Variants in HROB observed in about 807,000 individuals in gnomAD.
The protein encoded by HROB is homologous recombination factor with OB-fold.
A neutral mutation model predicts 61.0 loss-of-function variants in HROB; 44 were observed. The observed-to-expected ratio is 0.72, with a 90% CI of 0.57 to 0.93. HROB has a LOEUF of 0.93. Ranked by LOEUF, HROB falls within the 40% of genes least tolerant of loss-of-function variation. HROB has a pLI of 0.00. For synonymous variants in HROB, 301 were observed against 310.4 expected (o/e 0.97, Z 0.32); for missense variants, 716 against 796.2 (o/e 0.90, Z 1.21).
At chr17:44,146,488 A>C (rs2053614192) in intron 2 of HROB, among the ~76,000 whole-genome samples, 1 of 152,194 alleles carries the variant, frequency 6.6e-6, no homozygotes, top group Non-Finnish European at 1.5e-5. Flanking sequence ...GGGTCTTACA[A>C]GGTGATGATG....
chr17:44,141,966 C>T lies in HROB; in HGVS notation c.-177C>T, dbSNP rs573601284. The T allele has an allele frequency of 6.0e-4, 523 of 868,944 alleles. No individual in the cohort carries two copies. The highest frequency in any genetic ancestry group is 8.4e-4 in the Non-Finnish European group (500 of 598,370). The allele number at this position is 868,944 out of a possible 1,614,324, so 53.8% of individuals were successfully genotyped here. ...CTTCGAATGCGGCCTAAGGCGCCTG[C>T]CGCCAGTCTCCTGGCGACTTTCCCT... On this transcript the variant is annotated 5_prime_UTR_variant, in exon 1 of 10. Coordinates refer to ENST00000585683, the MANE Select transcript of HROB (RefSeq NM_001171251.3).
Position 44,148,804 on chromosome 17 carries a change from T to C in HROB, c.1001T>C (p.Leu334Ser). Residue 334 changes from leucine to serine, a missense_variant, in exon 3 of 10, where the codon TTA (leucine) becomes TCA (serine). Leu to Ser is a moderately radical substitution (Grantham distance 145). Transcript: ENST00000585683. ...CSTPSRTSSG[L>S]FPRIPLQPQA... The stretch of plus-strand genomic sequence containing the variant: ...ACTCCCTCAAGGACTAGCTCTGGAT[T>C]ATTTCCTCGGATACCCTTACAACCG... 6.2e-7 allele frequency: 1 copy of C among 1,614,196 alleles called. No individual in the cohort carries two copies. The highest frequency in any genetic ancestry group is 8.5e-7 in the Non-Finnish European group (1 of 1,180,050).
chr17:44,145,385 CTGAGAAGTGA>C (rs1175487687), intron 2 of HROB, 132 bp downstream of exon 2: 1 of 1,075,842 alleles, frequency 9.3e-7, no homozygotes, highest in Non-Finnish European at 1.4e-6. Flanking sequence ...CTGTGAGGTG[CTGAGAAGTGA>C]TGAGAAGTGT....
chr17:44,146,231 G>T (rs1055930901), intron 2 of HROB, among the ~76,000 whole-genome samples: 2 of 152,024 alleles, frequency 1.3e-5, no homozygotes, highest in African/African-American at 4.8e-5. Flanking sequence ...TCGTTTTTTT[G>T]TAGAGACAGG....
chr17:44,158,828 T>C (rs1257346964), intron 9 of HROB, among the ~76,000 whole-genome samples: 1 of 152,048 alleles, frequency 6.6e-6, no homozygotes, highest in Non-Finnish European at 1.5e-5. Flanking sequence ...TGTGTATTTT[T>C]AGTAGAGACG....
chr17:44,161,350 A>T (rs2054134626), intron 9 of HROB, among the ~76,000 whole-genome samples: 1 of 152,224 alleles, frequency 6.6e-6, no homozygotes, highest in African/African-American at 2.4e-5. Context: ...GCTAGGGATT[A>T]TCGAGGTCAG....
chr17:44,148,465 G>A lies in HROB; in HGVS notation c.662G>A (p.Gly221Asp), dbSNP rs2053685368. ...CCTGTGCCTGCCATCCACAAAGCGG[G>A]TATCATGTCCGCCCAGGATGAGTCT... ...KGPVPAIHKA[G>D]IMSAQDESLD... Residue 221 changes from glycine to aspartate, a missense_variant, in exon 3 of 10, where the codon GGT (glycine) becomes GAT (aspartate). By Grantham distance (94) the Gly-to-Asp change is moderately conservative. Transcript: ENST00000585683. 1.2e-6 allele frequency: 2 copies of A among 1,614,122 alleles called. No homozygotes were observed.
rs2053457863 is a variant in HROB at position 44,142,060 on chromosome 17, C to T, written c.-83C>T. Reference sequence around the variant, plus strand: ...GTCCCTCGGAGTCCGAGACTTCCACCTGGGTCGTGTCCAAGGCCCCGGCGA... The same window carrying T: ...GTCCCTCGGAGTCCGAGACTTCCACTTGGGTCGTGTCCAAGGCCCCGGCGA... On this transcript the variant is annotated 5_prime_UTR_variant, in exon 1 of 10. Coordinates refer to ENST00000585683, the MANE Select transcript of HROB (RefSeq NM_001171251.3). The T allele has an allele frequency of 2.7e-6, 4 of 1,504,896 alleles. No homozygotes were observed. The East Asian group carries it at 1.0e-4, about 38-fold the overall frequency. 93.2% of individuals were successfully genotyped at this position (1,504,896 alleles called of 1,614,324 possible).
At chr17:44,146,059 C>CT (rs1324547410) in intron 2 of HROB, among the ~76,000 whole-genome samples, 1 of 152,024 alleles carries the variant, frequency 6.6e-6, no homozygotes, top group Non-Finnish European at 1.5e-5. Flanking sequence ...GAACTTCTTT[C>CT]TTTTTTTGGA....
At chr17:44,142,194 C>T (rs2053464884) in intron 1 of HROB, 49 bp downstream of exon 1, 11 of 1,480,582 alleles carry the variant, frequency 7.4e-6, no homozygotes, top group South Asian at 5.1e-5. Context: ...GGCCCCCTGG[C>T]CTCCGGAACT....
chr17:44,152,596 G>GA, intron 4 of HROB, 41 bp from the exon 5 acceptor site: 1 of 1,605,142 alleles, frequency 6.2e-7, no homozygotes, highest in Non-Finnish European at 8.5e-7. Context: ...TAGCAAGGTA[G>GA]ACCTATTCAT....
intron 5 of HROB, among the ~76,000 whole-genome samples, chr17:44,153,912 G>A (rs552684333): frequency 1.3e-5 from 2 of 151,574 alleles, no homozygotes; most frequent in Admixed American, 6.6e-5. Flanking sequence ...GCCAGGCTTG[G>A]TGGCACACGC....
chr17:44,147,725 C>T (rs1218167023), intron 2 of HROB, 133 bp from the exon 3 acceptor site: 10 of 908,568 alleles, frequency 1.1e-5, no homozygotes, highest in Non-Finnish European at 1.6e-5. Flanking sequence ...CATGAGCCAC[C>T]ATGCCCGACC....
chr17:44,150,823 CTT>C, intron 3 of HROB, 136 bp from the exon 4 acceptor site: 1 of 700,084 alleles, frequency 1.4e-6, no homozygotes, highest in Non-Finnish European at 2.4e-6. Context: ...GCTCCTGAGA[CTT>C]TGTTAGGAGA....
chr17:44,148,867 C>T lies in HROB; in HGVS notation c.1064C>T (p.Thr355Ile). 6.2e-7 allele frequency: 1 copy of T among 1,614,182 alleles called. No individual in the cohort carries two copies. The highest frequency in any genetic ancestry group is 8.5e-7 in the Non-Finnish European group (1 of 1,180,024). ...TCTTCCATTGGGTCTCCTGTTGGTACCCCAAAAGGTCCCCAGGGAGCTCTG... is the reference window on the plus strand; with the variant it reads ...TCTTCCATTGGGTCTCCTGTTGGTATCCCAAAAGGTCCCCAGGGAGCTCTG... ...PVSSIGSPVG[T>I]PKGPQGALQT... Residue 355 changes from threonine (T) to isoleucine (I), a missense_variant, in exon 3 of 10, where the codon ACC becomes ATC. By Grantham distance (89) the Thr-to-Ile change is moderately conservative. Transcript: ENST00000585683.
In HROB at chr17:44,148,231, A is replaced by G. The variant is rs2053674158; in HGVS notation, c.428A>G (p.Gln143Arg). The G allele has an allele frequency of 2.5e-6, 4 of 1,614,088 alleles. No individual in the cohort carries two copies. The highest frequency in any genetic ancestry group is 1.3e-5 in the African/African-American group (1 of 74,932). Residue 143 changes from glutamine (Q) to arginine (R), a missense_variant, in exon 3 of 10, where the codon CAA (glutamine) becomes CGA (arginine). Coordinates refer to ENST00000585683, the MANE Select transcript of HROB (RefSeq NM_001171251.3). ...CACCCCCTACTCACCTTTGAGAGCC[A>G]ACAGCAGCAAGTTGGTGGCTTTGAG... is the stretch of plus-strand genomic sequence containing the variant. ...ALHPLLTFES[Q>R]QQQVGGFEGP... is the part of the protein sequence containing the mutation.
rs961557519 is a variant in HROB at position 44,141,998 on chromosome 17, C to T, written c.-145C>T. ...TCTCCTGGCGACTTTCCCTATATCG[C>T]AGAGACTCATCCCTCTGACCCCAGC... On this transcript the variant is annotated 5_prime_UTR_variant, in exon 1 of 10. It introduces an in-frame stop codon into an upstream open reading frame of the 5' UTR. Transcript: ENST00000585683. 12 of 1,177,578 alleles carry T rather than the reference C, an allele frequency of 1.0e-5. No individual in the cohort carries two copies. In the African/African-American group the frequency reaches 1.6e-4, roughly 16 times the overall value. 72.9% of individuals were successfully genotyped at this position (1,177,578 alleles called of 1,614,324 possible).
chr17:44,142,359 C>T (rs1490653753), intron 1 of HROB, among the ~76,000 whole-genome samples: 1 of 152,144 alleles, frequency 6.6e-6, no homozygotes, highest in Non-Finnish European at 1.5e-5. Context: ...GCCTCAGTTT[C>T]CCTCCTGTTG....
At position 44,141,981 on chromosome 17, in the gene HROB, C is replaced by T. The variant is rs1304316171; in HGVS notation, c.-162C>T. The T allele has an allele frequency of 4.9e-6, 5 of 1,022,650 alleles. No homozygotes were observed. In the South Asian group the frequency reaches 6.6e-5, roughly 13 times the overall value. The allele number at this position is 1,022,650 out of a possible 1,614,324, so 63.3% of individuals were successfully genotyped here. On this transcript the variant is annotated 5_prime_UTR_variant, in exon 1 of 10. Coordinates refer to ENST00000585683, the MANE Select transcript of HROB (RefSeq NM_001171251.3). ...AAGGCGCCTGCCGCCAGTCTCCTGG[C>T]GACTTTCCCTATATCGCAGAGACTC...
Sources: allele counts gnomAD v4.1 joint callset (sites outside exome capture counted in the v4.1 genomes callset), GRCh38; gene constraint gnomAD v4.1.1; transcripts MANE v1.5; gene names NCBI Gene and HGNC (gene_info 2026-07-23, HGNC 2026-07-21).